GRIA4: variants seen among roughly 807,000 people sequenced by gnomAD.
The protein encoded by GRIA4 is glutamate receptor 4.
A neutral mutation model predicts 104.0 loss-of-function variants in GRIA4; 34 were observed. That is an observed-to-expected ratio of 0.33 (90% CI 0.25 to 0.44). The LOEUF (loss-of-function observed/expected upper bound fraction) is 0.44. Among genes scored for constraint, GRIA4 ranks in the 20% least tolerant of loss-of-function variants. The probability of loss-of-function intolerance (pLI) is 1.00; values close to 1 mark genes in which losing one functional copy is unlikely to be tolerated. For missense variants in GRIA4, 750 were observed against 1,096.5 expected (o/e 0.68, Z 4.46); for synonymous variants, 386 against 381.9 (o/e 1.01, Z -0.13).
rs144187551 is a variant in GRIA4, at chr11:105,764,326, A to G, written c.487+11106A>G. Among the ~76,000 whole-genome samples, 1,442 of 152,216 alleles carry G rather than the reference A, an allele frequency of 9.5e-3. 30 individuals are homozygous for G. Among genetic ancestry groups the G allele is most frequent in the African/African-American group, 0.033 (1,375 of 41,522 alleles). ...TAATTTTTTTGTATTTTTAGAGTAG[A>G]GACAGGGTTTCACCATGTTGGCCAG... On this transcript the variant is annotated intron_variant, in intron 4 of 16. Transcript: ENST00000282499.
intron 10 of GRIA4, among the ~76,000 whole-genome samples, chr11:105,915,551 A>G (rs1260253772): frequency 6.6e-6 from 1 of 152,190 alleles, no homozygotes; most frequent in African/African-American, 2.4e-5. Flanking sequence ...TTATAAAGAT[A>G]CTATTTAGGA....
chr11:105,654,231 A>G (rs1297879129), intron 3 of GRIA4, among the ~76,000 whole-genome samples: 2 of 151,794 alleles, frequency 1.3e-5, no homozygotes, highest in Non-Finnish European at 2.9e-5. Flanking sequence ...GATGTTGGTT[A>G]AAGGCTACAG....
intron 13 of GRIA4, among the ~76,000 whole-genome samples, chr11:105,928,050 A>G (rs648762): frequency 0.085 from 12,890 of 152,042 alleles, 606 homozygotes; most frequent in African/African-American, 0.11. Flanking sequence ...TTCTCACTCA[A>G]TTCAGCTTAA....
intron 3 of GRIA4, among the ~76,000 whole-genome samples, chr11:105,675,053 T>C (rs961573250): frequency 4.6e-5 from 7 of 151,878 alleles, no homozygotes; most frequent in African/African-American, 7.2e-5. Context: ...GTTCTTATAG[T>C]AGCTGACAGG....
At chr11:105,758,404 A>G (rs1940434219) in intron 4 of GRIA4, among the ~76,000 whole-genome samples, 3 of 152,176 alleles carry the variant, frequency 2.0e-5, no homozygotes, top group African/African-American at 7.2e-5. Flanking sequence ...ATTTTCTTAT[A>G]TGAAAATAAG....
At chr11:105,873,998 A>G (rs1262635003) in intron 5 of GRIA4, among the ~76,000 whole-genome samples, 1 of 152,144 alleles carries the variant, frequency 6.6e-6, no homozygotes, top group Non-Finnish European at 1.5e-5. Flanking sequence ...GCCCATGCCT[A>G]TGTCCTGAAT....
At chr11:105,966,156 C>T (rs897976856) in intron 14 of GRIA4, 11 of 818,066 alleles carry the variant, frequency 1.3e-5, no homozygotes, top group Admixed American at 2.2e-5. Context: ...TAATACCAGT[C>T]GAATTGCTAG....
intron 10 of GRIA4, among the ~76,000 whole-genome samples, chr11:105,916,768 AC>A (rs1947418430): frequency 6.6e-6 from 1 of 152,168 alleles, no homozygotes; most frequent in Non-Finnish European, 1.5e-5. Flanking sequence ...TATTGCAGAC[AC>A]TTGTGAATTG....
intron 4 of GRIA4, among the ~76,000 whole-genome samples, chr11:105,800,262 T>C (rs1942664426): frequency 6.6e-6 from 1 of 151,980 alleles, no homozygotes; most frequent in African/African-American, 2.4e-5. Flanking sequence ...GACTACAGTG[T>C]GAAAGGGTGA....
chr11:105,610,872 T>TTTTTTTC (rs1950457757), intron 1 of GRIA4, 36 bp from the exon 2 acceptor site: 6 of 2,570 alleles, frequency 2.3e-3, no homozygotes, highest in African/African-American at 9.4e-3. Flanking sequence ...TTTCTTTTCT[T>TTTTTTTC]TTTTTTTTTT....
At chr11:105,726,193 G>A (rs548831467) in intron 3 of GRIA4, among the ~76,000 whole-genome samples, 16 of 152,208 alleles carry the variant, frequency 1.1e-4, no homozygotes, top group African/African-American at 2.6e-4. Context: ...TGGGATGCTC[G>A]AGCTTGGTGG....
chr11:105,629,587 G>T (rs1021002603), intron 3 of GRIA4, among the ~76,000 whole-genome samples: 1 of 152,094 alleles, frequency 6.6e-6, no homozygotes, highest in African/African-American at 2.4e-5. Flanking sequence ...TTATAATGCA[G>T]AATTTCCATT....
chr11:105,693,006 A>G (rs1331898615), intron 3 of GRIA4, among the ~76,000 whole-genome samples: 1 of 152,330 alleles, frequency 6.6e-6, no homozygotes, highest in Middle Eastern at 3.4e-3. Context: ...GAGCTTGATC[A>G]TATCTGCCTC....
rs898377949 is a variant in GRIA4 at position 105,979,794 on chromosome 11, G to T, written c.*55G>T. The T allele has an allele frequency of 3.6e-6, 5 of 1,379,848 alleles. No individual in the cohort carries two copies. In the East Asian group the frequency reaches 1.2e-4, roughly 33 times the overall value. The allele number at this position is 1,379,848 out of a possible 1,614,324, so 85.5% of individuals were successfully genotyped here. A position where few individuals can be genotyped will look rare whatever the true frequency, so the allele number is the denominator to read the frequency against. On this transcript the variant is annotated 3_prime_UTR_variant, in exon 17 of 17. Coordinates refer to ENST00000282499, the MANE Select transcript of GRIA4 (RefSeq NM_000829.4). ...TAAACTGTTGGTGACTGGTGGAAAC[G>T]CAGCCCTGAGGGACACGCCACGCGC...
At chr11:105,794,512 T>TATATATATATATATATATAC (rs1313325715) in intron 4 of GRIA4, among the ~76,000 whole-genome samples, 3 of 106,902 alleles carry the variant, frequency 2.8e-5, no homozygotes, top group African/African-American at 1.1e-4. Flanking sequence ...TATATATATA[T>TATATATATATATATATATAC]ACATATACAC....
rs906831060 is a variant in GRIA4, at chr11:105,903,890, A to G, written c.962A>G (p.Asp321Gly). Residue 321 changes from aspartate to glycine, a missense_variant, in exon 8 of 17, where the codon GAT becomes GGT. By Grantham distance (94) the Asp-to-Gly change is moderately conservative. This residue lies in a region of GRIA4 where 410 missense variants were observed against 502.7 expected (regional missense o/e 0.82). Coordinates refer to ENST00000282499, the MANE Select transcript of GRIA4 (RefSeq NM_000829.4). ...CGAAGTCTTAGGAGGCAGAAAATTG[A>G]TATCTCAAGGAGAGGAAATGCTGGG... is the stretch of plus-strand genomic sequence containing the variant. ...TFRSLRRQKI[D>G]ISRRGNAGDC... 22 of 1,612,460 alleles carry G rather than the reference A, an allele frequency of 1.4e-5. No individual in the cohort carries two copies. Among genetic ancestry groups the G allele is most frequent in the Non-Finnish European group, 1.7e-5 (20 of 1,178,590 alleles).
chr11:105,890,853 TTG>T (rs780927910), intron 6 of GRIA4, among the ~76,000 whole-genome samples: 20 of 152,246 alleles, frequency 1.3e-4, no homozygotes, highest in Non-Finnish European at 7.3e-5. Flanking sequence ...TGAGTAAAAC[TTG>T]CTAGAAATGA....
intron 5 of GRIA4, among the ~76,000 whole-genome samples, chr11:105,881,686 G>A (rs914031041): frequency 3.3e-5 from 5 of 151,696 alleles, no homozygotes. Context: ...TCCAAGTATA[G>A]AAGAAAATAA....
At chr11:105,832,691 C>T (rs1032252930) in intron 4 of GRIA4, among the ~76,000 whole-genome samples, 11 of 151,834 alleles carry the variant, frequency 7.2e-5, no homozygotes, top group African/African-American at 2.4e-4. Flanking sequence ...ATGGAGATAC[C>T]TGTGTTATCT....
Sources: allele counts gnomAD v4.1 joint callset (sites outside exome capture counted in the v4.1 genomes callset), GRCh38; gene constraint gnomAD v4.1.1; regional missense constraint gnomAD v4.1.1; transcripts MANE v1.5; gene names NCBI Gene and HGNC (gene_info 2026-07-23, HGNC 2026-07-21).